Variants in ADARB2 observed in about 807,000 individuals in gnomAD.
ADARB2 encodes the protein inactive double-stranded RNA-specific editase B2.
A neutral mutation model predicts 62.2 loss-of-function variants in ADARB2; 25 were observed. That is an observed-to-expected ratio of 0.40 (90% CI 0.29 to 0.56). The LOEUF is 0.56. Among genes scored for constraint, ADARB2 ranks in the 20% least tolerant of loss-of-function variants. The pLI, the probability that ADARB2 is intolerant of heterozygous loss-of-function variation, is 0.43. For missense variants in ADARB2, 1,071 were observed against 1,077.4 expected (o/e 0.99, Z 0.08); for synonymous variants, 572 against 500.8 (o/e 1.14, Z -1.90).
chr10:1,585,999 A>T (rs1833175923), intron 1 of ADARB2, among the ~76,000 whole-genome samples: 1 of 152,110 alleles, frequency 6.6e-6, no homozygotes, highest in South Asian at 2.1e-4. Context: ...GCGCCACTGC[A>T]CTCCAGCCTG....
intron 1 of ADARB2, among the ~76,000 whole-genome samples, chr10:1,453,041 GGGC>G (rs1396038876): frequency 6.6e-6 from 1 of 152,110 alleles, no homozygotes; most frequent in Non-Finnish European, 1.5e-5. Flanking sequence ...GCTGTCATTG[GGGC>G]CACACTTTGA....
intron 3 of ADARB2, among the ~76,000 whole-genome samples, chr10:1,277,314 T>A (rs372588329): frequency 5.9e-5 from 9 of 152,096 alleles, no homozygotes; most frequent in East Asian, 5.8e-4. Flanking sequence ...TAATGAATCC[T>A]GGAGCTGGTT....
At position 1,683,030 on chromosome 10, in the gene ADARB2, C is replaced by A. The variant is rs1389867891; in HGVS notation, c.100+54021G>T. 4.6e-5 allele frequency among the ~76,000 whole-genome samples: 7 copies of A among 152,306 alleles called. No individual in the cohort carries two copies. The East Asian group carries it at 1.2e-3, about 25-fold the overall frequency. On this transcript the variant is annotated intron_variant, in intron 1 of 9. Transcript: ENST00000381312. Reference sequence around the variant, plus strand: ...CGAACGTTGTCATTCATCACAGCTTCATTTGCGTGGAAGCAGAGATGACTA... The same window carrying A: ...CGAACGTTGTCATTCATCACAGCTTAATTTGCGTGGAAGCAGAGATGACTA...
intron 3 of ADARB2, among the ~76,000 whole-genome samples, chr10:1,327,766 C>T (rs1831885106): frequency 6.6e-6 from 1 of 150,874 alleles, no homozygotes; most frequent in African/African-American, 2.4e-5. Context: ...AGCGCCTCCT[C>T]ACAGCTCAGC....
At chr10:1,407,760 G>A (rs560721200) in intron 1 of ADARB2, among the ~76,000 whole-genome samples, 1 of 152,252 alleles carries the variant, frequency 6.6e-6, no homozygotes, top group African/African-American at 2.4e-5. Context: ...CCACCTCCAG[G>A]ATGGAAGATT....
At chr10:1,511,039 G>A (rs1831929883) in intron 1 of ADARB2, among the ~76,000 whole-genome samples, 1 of 152,164 alleles carries the variant, frequency 6.6e-6, no homozygotes, top group Non-Finnish European at 1.5e-5. Flanking sequence ...TTATTTCGTA[G>A]AGATGGGGTT....
intron 1 of ADARB2, among the ~76,000 whole-genome samples, chr10:1,599,672 G>A (rs1833382637): frequency 6.6e-6 from 1 of 152,190 alleles, no homozygotes; most frequent in South Asian, 2.1e-4. Flanking sequence ...TCAGTGAGGG[G>A]TTTAGGAAAA....
chr10:1,672,467 G>A (rs566549693), intron 1 of ADARB2, among the ~76,000 whole-genome samples: 5 of 152,244 alleles, frequency 3.3e-5, no homozygotes, highest in South Asian at 2.1e-4. Flanking sequence ...AAATCCCTCC[G>A]CCAGGAAGGT....
At chr10:1,249,605 T>G (rs984267790) in intron 4 of ADARB2, among the ~76,000 whole-genome samples, 1 of 149,478 alleles carries the variant, frequency 6.7e-6, no homozygotes, top group Non-Finnish European at 1.5e-5. Context: ...TTTTCCTGAA[T>G]GTGATTTTAT....
chr10:1,732,314 CAAA>C (rs4002272), intron 1 of ADARB2, among the ~76,000 whole-genome samples: 51 of 105,604 alleles, frequency 4.8e-4, no homozygotes, highest in African/African-American at 1.8e-3. Flanking sequence ...TTTCATGCCT[CAAA>C]AAAAAAAAAA....
intron 1 of ADARB2, among the ~76,000 whole-genome samples, chr10:1,658,932 G>C (rs1053011289): frequency 6.6e-6 from 1 of 152,130 alleles, no homozygotes; most frequent in African/African-American, 2.4e-5. Context: ...GGGGAGAAAG[G>C]GTTCTTCTGA....
At chr10:1,481,495 C>T (rs1831469719) in intron 1 of ADARB2, among the ~76,000 whole-genome samples, 2 of 152,148 alleles carry the variant, frequency 1.3e-5, no homozygotes, top group Admixed American at 1.3e-4. Context: ...AGGACACCAT[C>T]AAGGGAGTGA....
chr10:1,183,533 A>G (rs1836709344), intron 9 of ADARB2, among the ~76,000 whole-genome samples, 164 bp from the exon 10 acceptor site: 1 of 152,246 alleles, frequency 6.6e-6, no homozygotes, highest in African/African-American at 2.4e-5. Flanking sequence ...GCAATTCCAC[A>G]GGAAACCTAG....
intron 3 of ADARB2, among the ~76,000 whole-genome samples, chr10:1,313,749 G>T (rs192802018): frequency 8.5e-5 from 13 of 152,298 alleles, no homozygotes; most frequent in African/African-American, 3.1e-4. Flanking sequence ...TAATCGAGGG[G>T]CCTTGCTTGC....
intron 1 of ADARB2, among the ~76,000 whole-genome samples, chr10:1,470,306 C>A (rs957117410): frequency 1.3e-5 from 2 of 152,214 alleles, no homozygotes; most frequent in Non-Finnish European, 2.9e-5. Context: ...ATGTGTATCA[C>A]CTACTCCTAG....
chr10:1,463,717 C>T (rs1199465667), intron 1 of ADARB2, among the ~76,000 whole-genome samples: 4 of 152,122 alleles, frequency 2.6e-5, no homozygotes, highest in African/African-American at 9.7e-5. Flanking sequence ...AACTTGTGCT[C>T]TTTGAAATGC....
chr10:1,385,006 T>C (rs1281113480), intron 1 of ADARB2, among the ~76,000 whole-genome samples: 1 of 152,208 alleles, frequency 6.6e-6, no homozygotes, highest in Admixed American at 6.5e-5. Flanking sequence ...GGTCATGTTT[T>C]AGGACTAGGA....
chr10:1,504,028 T>C (rs556176663), intron 1 of ADARB2, among the ~76,000 whole-genome samples: 16 of 152,104 alleles, frequency 1.1e-4, no homozygotes, highest in African/African-American at 3.6e-4. Context: ...GGCCAGAGAG[T>C]AGGAGTTTTT....
At chr10:1,555,075 G>A (rs1832680979) in intron 1 of ADARB2, among the ~76,000 whole-genome samples, 2 of 152,290 alleles carry the variant, frequency 1.3e-5, no homozygotes, top group South Asian at 4.1e-4. Context: ...TTGTATGGCT[G>A]CATAGTGTTC....
Sources: allele counts gnomAD v4.1 joint callset (sites outside exome capture counted in the v4.1 genomes callset), GRCh38; gene constraint gnomAD v4.1.1; transcripts MANE v1.5; gene names NCBI Gene and HGNC (gene_info 2026-07-23, HGNC 2026-07-21).